The following TEX36 variants were observed in gnomAD, a reference collection of about 807,000 sequenced individuals.
The protein encoded by TEX36 is testis expressed 36.
In TEX36, 12 loss-of-function variants were observed where a neutral mutation model predicts 13.6. That is an observed-to-expected ratio of 0.88 (90% CI 0.56 to 1.43). The LOEUF (loss-of-function observed/expected upper bound fraction) is 1.43, where lower values mean the gene tolerates loss of function less well. Among genes scored for constraint, TEX36 ranks in the 40% most tolerant of loss-of-function variants. The probability of loss-of-function intolerance (pLI) is 0.00; values close to 1 mark genes in which losing one functional copy is unlikely to be tolerated. For synonymous variants in TEX36, 93 were observed against 83.0 expected, an observed-to-expected ratio of 1.12 and a Z score of -0.65; for missense variants, 224 against 228.3, an observed-to-expected ratio of 0.98 and a Z score of 0.12.
At chr10:125,656,225 G>A (rs1167859558) in intron 3 of TEX36, 29 bp from the exon 4 acceptor site, 1 of 891,818 alleles carries the variant, frequency 1.1e-6, no homozygotes, top group Non-Finnish European at 1.6e-6. Context: ...AGATTCGAAG[G>A]AAAATATTCA....
chr10:125,611,202 T>C (rs1179152586), intron 3 of TEX36, among the ~76,000 whole-genome samples: 1 of 152,222 alleles, frequency 6.6e-6, no homozygotes, highest in East Asian at 1.9e-4. Flanking sequence ...CTTCACGCAA[T>C]CTTTGTACAC....
intron 3 of TEX36, among the ~76,000 whole-genome samples, chr10:125,630,223 C>A (rs987215353): frequency 2.0e-5 from 3 of 152,168 alleles, no homozygotes; most frequent in Non-Finnish European, 4.4e-5. Flanking sequence ...GGGTGCATAA[C>A]AAGTTACCCC....
chr10:125,622,987 C>G (rs1846446528), intron 3 of TEX36, among the ~76,000 whole-genome samples: 1 of 152,288 alleles, frequency 6.6e-6, no homozygotes, highest in South Asian at 2.1e-4. Context: ...TAACAGGAAG[C>G]AAAAATTCTG....
chr10:125,670,439 GT>G (rs1400649534), intron 1 of TEX36, among the ~76,000 whole-genome samples: 1 of 151,750 alleles, frequency 6.6e-6, no homozygotes, highest in Admixed American at 6.6e-5. Flanking sequence ...TTTTAATGGG[GT>G]TTTTTTCTTG....
intron 3 of TEX36, among the ~76,000 whole-genome samples, chr10:125,645,680 T>C (rs974184209): frequency 6.6e-6 from 1 of 152,148 alleles, no homozygotes; most frequent in African/African-American, 2.4e-5. Flanking sequence ...CAATAGAAAA[T>C]AAATATTCTA....
At chr10:125,681,936 T>C (rs1264701865) in intron 1 of TEX36, among the ~76,000 whole-genome samples, 2 of 152,138 alleles carry the variant, frequency 1.3e-5, no homozygotes, top group Non-Finnish European at 2.9e-5. Context: ...TCCAAGTGGG[T>C]AGATCAGTTT....
chr10:125,603,618 C>T (rs930083143), intron 3 of TEX36, among the ~76,000 whole-genome samples: 1 of 152,264 alleles, frequency 6.6e-6, no homozygotes, highest in Non-Finnish European at 1.5e-5. Flanking sequence ...TAAGCTGTTG[C>T]TGAAGCATGG....
Position 125,670,868 on chromosome 10 carries a change from TC to T in TEX36, c.52-8892del, listed in dbSNP as rs760243401. ...ATCCTTTTCCCATTGCTTGTTTTTT[TC>T]AAGTTTGTTGAAGATCAGATGGTTG... On this transcript the variant is annotated intron_variant, in intron 1 of 3. Transcript: ENST00000368821. Among the ~76,000 whole-genome samples, 7 of 152,350 alleles carry T rather than the reference TC, an allele frequency of 4.6e-5. No individual in the cohort carries two copies. In the East Asian group the frequency reaches 1.2e-3, roughly 25 times the overall value.
At chr10:125,620,991 T>C (rs924631415), downstream of TEX36, among the ~76,000 whole-genome samples, 1 of 152,210 alleles carries the variant, frequency 6.6e-6, no homozygotes, top group Non-Finnish European at 1.5e-5. Flanking sequence ...TAATATTCCA[T>C]TGTATGGATA....
chr10:125,641,498 C>CT (rs1247066128), intron 3 of TEX36, among the ~76,000 whole-genome samples: 2 of 152,174 alleles, frequency 1.3e-5, no homozygotes, highest in African/African-American at 4.8e-5. Flanking sequence ...CTGAAGATTC[C>CT]TAGTATGGGT....
chr10:125,660,481 C>T (rs918878742), intron 3 of TEX36, among the ~76,000 whole-genome samples: 2 of 152,194 alleles, frequency 1.3e-5, no homozygotes, highest in Non-Finnish European at 2.9e-5. Flanking sequence ...AATGTAACCA[C>T]TAAAGCATTT....
chr10:125,622,468 CCTT>C (rs1846438224), intron 3 of TEX36, among the ~76,000 whole-genome samples: 2 of 152,188 alleles, frequency 1.3e-5, no homozygotes, highest in African/African-American at 4.8e-5. Context: ...TTGATGACTA[CCTT>C]CTTCTACGCA....
chr10:125,590,515 G>C (rs1214458574), intron 3 of TEX36, among the ~76,000 whole-genome samples: 1 of 151,948 alleles, frequency 6.6e-6, no homozygotes, highest in African/African-American at 2.4e-5. Context: ...TTTTACAAAA[G>C]CCTTTAGCAC....
intron 1 of TEX36, among the ~76,000 whole-genome samples, chr10:125,662,234 G>T (rs1000956980): frequency 3.3e-5 from 5 of 152,184 alleles, no homozygotes; most frequent in Non-Finnish European, 4.4e-5. Flanking sequence ...TGTTTCCATA[G>T]CCTGGTAAGG....
At chr10:125,639,620 T>C (rs1395006391) in intron 3 of TEX36, among the ~76,000 whole-genome samples, 1 of 108,388 alleles carries the variant, frequency 9.2e-6, no homozygotes, top group South Asian at 3.0e-4. Flanking sequence ...TGGGGGAAGC[T>C]GAGGGTGGGA....
chr10:125,576,991 C>A (rs1393075158), intron 3 of TEX36: 20 of 1,341,188 alleles, frequency 1.5e-5, no homozygotes, highest in Non-Finnish European at 1.9e-5. Context: ...TAAAAACACC[C>A]CAGAGAAGGA....
In TEX36 at chr10:125,623,985, G is replaced by T. The variant is rs1276002740; in HGVS notation, c.265-2340C>A. 2.6e-5 allele frequency among the ~76,000 whole-genome samples: 4 copies of T among 152,180 alleles called. No homozygotes were observed. The East Asian group carries it at 7.7e-4, about 29-fold the overall frequency. Reference sequence around the variant, plus strand: ...TAGTGGGATTAACCCGTGTGGACAGGTTGGGAGGTTTTCTAAGATGTTGAT... The same window carrying T: ...TAGTGGGATTAACCCGTGTGGACAGTTTGGGAGGTTTTCTAAGATGTTGAT... On this transcript the variant is annotated intron_variant, in intron 3 of 3. Transcript: ENST00000526819.
chr10:125,617,066 TG>T (rs1349347877), downstream of TEX36, among the ~76,000 whole-genome samples: 1 of 152,218 alleles, frequency 6.6e-6, no homozygotes, highest in East Asian at 1.9e-4. Context: ...TTTTGATCTT[TG>T]TTGGTTTAAA....
At chr10:125,606,304 A>G (rs754955710) in intron 3 of TEX36, among the ~76,000 whole-genome samples, 1 of 152,230 alleles carries the variant, frequency 6.6e-6, no homozygotes, top group African/African-American at 2.4e-5. Context: ...ACCGTAGACC[A>G]CATCTTCCTT....
Sources: allele counts gnomAD v4.1 joint callset (sites outside exome capture counted in the v4.1 genomes callset), GRCh38; gene constraint gnomAD v4.1.1; transcripts MANE v1.5; gene names NCBI Gene and HGNC (gene_info 2026-07-23, HGNC 2026-07-21).